Variants in MYO3B observed in about 807,000 individuals in gnomAD.
MYO3B encodes myosin-IIIb.
MYO3B carries 156 observed loss-of-function variants against 174.6 expected under a neutral mutation model. That is an observed-to-expected ratio of 0.89 (90% CI 0.78 to 1.02). MYO3B has a LOEUF of 1.02. Among genes scored for constraint, MYO3B ranks in the 50% least tolerant of loss-of-function variants. MYO3B has a pLI of 0.00. For synonymous variants in MYO3B, 563 were observed against 569.1 expected, an observed-to-expected ratio of 0.99 and a Z score of 0.15; for missense variants, 1,632 against 1,639.4, an observed-to-expected ratio of 1.00 and a Z score of 0.08.
chr2:170,199,074 T>G (rs1239435712), intron 1 of MYO3B, 134 bp from the exon 2 acceptor site: 2 of 611,264 alleles, frequency 3.3e-6, no homozygotes, highest in Admixed American at 3.2e-5. Flanking sequence ...TTCAAAAAAT[T>G]TATTTACAAT....
chr2:170,619,795 A>G (rs1026185455), intron 32 of MYO3B, among the ~76,000 whole-genome samples: 1 of 109,938 alleles, frequency 9.1e-6, no homozygotes, highest in Non-Finnish European at 1.7e-5. Flanking sequence ...TGCCCAAGCT[A>G]GAGTGCGGTG....
chr2:170,289,842 C>T (rs1033593839), intron 7 of MYO3B, among the ~76,000 whole-genome samples: 1 of 151,968 alleles, frequency 6.6e-6, no homozygotes, highest in African/African-American at 2.4e-5. Context: ...TACTGCTATA[C>T]ATTTCCCTCT....
intron 32 of MYO3B, among the ~76,000 whole-genome samples, chr2:170,639,424 G>A (rs997832745): frequency 1.3e-5 from 2 of 152,180 alleles, no homozygotes; most frequent in African/African-American, 4.8e-5. Context: ...CAAGGTTAGG[G>A]AACTGCCATT....
At chr2:170,646,974 G>T in intron 32 of MYO3B, 5 of 1,253,348 alleles carry the variant, frequency 4.0e-6, no homozygotes, top group East Asian at 4.8e-5. Flanking sequence ...TCTTTCTGTT[G>T]TACTTCCTTT....
chr2:170,362,750 C>T (rs77799635), intron 8 of MYO3B, among the ~76,000 whole-genome samples: 18,558 of 152,202 alleles, frequency 0.12, 1,120 homozygotes, highest in Middle Eastern at 0.15. Flanking sequence ...TTTGCAACAG[C>T]ATCAAATGTG....
intron 32 of MYO3B, among the ~76,000 whole-genome samples, chr2:170,581,552 A>T (rs1056195776): frequency 3.3e-5 from 5 of 152,080 alleles, no homozygotes; most frequent in Non-Finnish European, 7.4e-5. Context: ...TAAAGATATT[A>T]AGCCTTATAT....
intron 25 of MYO3B, among the ~76,000 whole-genome samples, chr2:170,493,524 G>C (rs543670678): frequency 6.6e-6 from 1 of 152,016 alleles, no homozygotes. Flanking sequence ...CTAGATAGAA[G>C]ACTTGATGAG....
chr2:170,462,897 G>T (rs937328595), intron 23 of MYO3B, among the ~76,000 whole-genome samples: 129 of 141,284 alleles, frequency 9.1e-4, no homozygotes, highest in African/African-American at 3.7e-3. Context: ...AACTGTGGGT[G>T]GTAGGAGGAG....
intron 8 of MYO3B, among the ~76,000 whole-genome samples, chr2:170,357,842 TTC>T (rs2094133866): frequency 6.6e-6 from 1 of 152,060 alleles, no homozygotes; most frequent in Admixed American, 6.6e-5. Flanking sequence ...GTAGCAATAA[TTC>T]ATAATAGCTT....
chr2:170,403,860 T>G (rs1305681944), intron 19 of MYO3B, among the ~76,000 whole-genome samples: 2 of 152,204 alleles, frequency 1.3e-5, no homozygotes, highest in African/African-American at 4.8e-5. Context: ...TTTTTCTAGT[T>G]TTCCAACCCT....
At chr2:170,611,331 T>C (rs574750882) in intron 32 of MYO3B, among the ~76,000 whole-genome samples, 2 of 152,304 alleles carry the variant, frequency 1.3e-5, no homozygotes, top group Admixed American at 1.3e-4. Context: ...CTATCAACAA[T>C]GATTGGGCTT....
chr2:170,552,866 C>A lies in MYO3B; in HGVS notation c.3733+8878C>A, dbSNP rs187373475. Among the ~76,000 whole-genome samples, 3 of 152,290 alleles carry A rather than the reference C, an allele frequency of 2.0e-5. No homozygotes were observed. The East Asian group carries it at 5.8e-4, about 29-fold the overall frequency. ...CCCAGGGTCCCACTGCTCTGTGCAG[C>A]CTCAGGACATGGTGCCCTGCATCCC... On this transcript the variant is annotated intron_variant, in intron 32 of 34. Transcript: ENST00000408978.
Position 170,214,810 on chromosome 2 carries a change from GT to G in MYO3B, c.510del (p.Lys171SerfsTer72). On this transcript the variant is annotated frameshift_variant, in exon 5 of 35. Coordinates refer to ENST00000408978, the MANE Select transcript of MYO3B (RefSeq NM_138995.5). LOFTEE classifies it high-confidence loss of function. ...CATTCTTCTGACAACAGAAGGAGGA[GT>G]TAAGCTCGTTGACTTTGGTAATGAC... ...NNILLTTEGG[V>X]KLVDFGVSAQ... 6.2e-7 allele frequency: 1 copy of G among 1,613,784 alleles called. No homozygotes were observed. The highest frequency in any genetic ancestry group is 8.5e-7 in the Non-Finnish European group (1 of 1,179,696).
chr2:170,526,394 A>G (rs771693428), intron 30 of MYO3B, among the ~76,000 whole-genome samples: 15 of 152,242 alleles, frequency 9.9e-5, no homozygotes, highest in Non-Finnish European at 1.9e-4. Context: ...TTAAACTCAT[A>G]TGAAGGATCA....
chr2:170,269,725 A>G (rs906019068), intron 7 of MYO3B, among the ~76,000 whole-genome samples: 8 of 152,226 alleles, frequency 5.3e-5, no homozygotes, highest in Admixed American at 1.3e-4. Context: ...ATTAGGATAT[A>G]TAAATTCTGT....
intron 1 of MYO3B, among the ~76,000 whole-genome samples, chr2:170,188,748 A>G (rs2092502116): frequency 6.6e-6 from 1 of 151,938 alleles, no homozygotes; most frequent in South Asian, 2.1e-4. Flanking sequence ...ATTAATGAGA[A>G]CTCTACACTT....
intron 24 of MYO3B, 90 bp from the exon 25 acceptor site, chr2:170,466,416 A>G: frequency 8.3e-7 from 1 of 1,210,052 alleles, no homozygotes; most frequent in Non-Finnish European, 1.2e-6. Flanking sequence ...GTGAGCCTCG[A>G]ACTGCTCCAG....
chr2:170,589,804 A>T (rs956103124), intron 32 of MYO3B, among the ~76,000 whole-genome samples: 4 of 152,226 alleles, frequency 2.6e-5, no homozygotes, highest in Non-Finnish European at 5.9e-5. Context: ...AAACTCTGGC[A>T]ATGTATAGTA....
intron 22 of MYO3B, among the ~76,000 whole-genome samples, chr2:170,441,379 C>A (rs2094799691): frequency 1.3e-5 from 2 of 152,126 alleles, no homozygotes; most frequent in East Asian, 3.9e-4. Context: ...TTCAAATTTT[C>A]ACTATTTGGT....
Sources: allele counts gnomAD v4.1 joint callset (sites outside exome capture counted in the v4.1 genomes callset), GRCh38; gene constraint gnomAD v4.1.1; transcripts MANE v1.5; gene names NCBI Gene and HGNC (gene_info 2026-07-23, HGNC 2026-07-21).